CAMK2D: variants seen among roughly 807,000 people sequenced by gnomAD.
CAMK2D encodes the protein calcium/calmodulin dependent protein kinase II delta.
A neutral mutation model predicts 84.0 loss-of-function variants in CAMK2D; 37 were observed. The ratio of observed to expected loss-of-function variants is 0.44; its 90% CI spans 0.34 to 0.58. The LOEUF (loss-of-function observed/expected upper bound fraction) is 0.58. CAMK2D is among the 20% of genes least tolerant of loss of function. CAMK2D has a pLI of 0.02. For synonymous variants in CAMK2D, 202 were observed against 212.5 expected (o/e 0.95, Z 0.43); for missense variants, 448 against 652.5 (o/e 0.69, Z 3.41).
At chr4:113,733,207 C>T (rs929406025) in intron 2 of CAMK2D, among the ~76,000 whole-genome samples, 1 of 152,154 alleles carries the variant, frequency 6.6e-6, no homozygotes. Context: ...ATGAAAGAAC[C>T]ATTTAATGCA....
chr4:113,617,172 G>A (rs1008681415), intron 3 of CAMK2D, among the ~76,000 whole-genome samples: 1 of 152,044 alleles, frequency 6.6e-6, no homozygotes, highest in East Asian at 1.9e-4. Context: ...TAGCCATTAG[G>A]AATATTAAAA....
chr4:113,596,172 C>A (rs892349790), intron 4 of CAMK2D, among the ~76,000 whole-genome samples: 1 of 152,216 alleles, frequency 6.6e-6, no homozygotes, highest in Non-Finnish European at 1.5e-5. Flanking sequence ...TAAGAAGCAA[C>A]TCCTCATTCA....
Position 113,609,160 on chromosome 4 carries a change from C to T in CAMK2D, c.267G>A (p.Val89=), listed in dbSNP as rs759661901. 1.9e-6 allele frequency: 3 copies of T among 1,564,140 alleles called. No individual in the cohort carries two copies. Among genetic ancestry groups the T allele is most frequent in the East Asian group, 2.2e-5 (1 of 44,508 alleles). The stretch of plus-strand genomic sequence containing the variant: ...ACAGAGTATATACTTACAAATCAAA[C>T]ACCAAGTAGTGAAAGCCCTCTTCTG... ...SISEEGFHYL[V]FDLVTGGELF... Residue 89 remains valine, a synonymous_variant, in exon 4 of 21, where the codon GTG becomes GTA. Coordinates refer to ENST00000511664, the MANE Select transcript of CAMK2D (RefSeq NM_001321571.2).
intron 2 of CAMK2D, among the ~76,000 whole-genome samples, chr4:113,665,455 T>C (rs2099253678): frequency 6.6e-6 from 1 of 152,234 alleles, no homozygotes; most frequent in Non-Finnish European, 1.5e-5. Flanking sequence ...GCTACAGAGA[T>C]GGATTACTTT....
intron 16 of CAMK2D, among the ~76,000 whole-genome samples, chr4:113,498,270 TAATA>T (rs924079188): frequency 6.6e-6 from 1 of 152,188 alleles, no homozygotes; most frequent in African/African-American, 2.4e-5. Flanking sequence ...ATCATCAGCA[TAATA>T]AATAATTTAA....
intron 5 of CAMK2D, 70 bp from the exon 6 acceptor site, chr4:113,547,786 G>T: frequency 1.0e-6 from 1 of 997,612 alleles, no homozygotes; most frequent in Non-Finnish European, 1.5e-6. Flanking sequence ...CCCTCAGAGA[G>T]ACTGGGTTAA....
intron 4 of CAMK2D, among the ~76,000 whole-genome samples, chr4:113,562,135 T>C (rs1008475963): frequency 6.6e-6 from 1 of 152,216 alleles, no homozygotes; most frequent in Admixed American, 6.5e-5. Context: ...CAATTTAATC[T>C]GAAAAGAGTC....
chr4:113,744,232 A>G (rs1190001499), intron 2 of CAMK2D, among the ~76,000 whole-genome samples: 1 of 152,200 alleles, frequency 6.6e-6, no homozygotes, highest in Non-Finnish European at 1.5e-5. Context: ...TTCAGCAAAC[A>G]TTAAATACCT....
At chr4:113,686,791 C>T (rs761079680) in intron 2 of CAMK2D, among the ~76,000 whole-genome samples, 24 of 151,974 alleles carry the variant, frequency 1.6e-4, no homozygotes, top group Non-Finnish European at 3.1e-4. Flanking sequence ...TGAGATTTTA[C>T]GCCAAGCTTT....
chr4:113,558,709 T>A (rs147555398), intron 4 of CAMK2D, among the ~76,000 whole-genome samples: 10 of 152,258 alleles, frequency 6.6e-5, no homozygotes, highest in African/African-American at 2.4e-4. Context: ...TAATTTCACT[T>A]ATAAAATACT....
At chr4:113,705,911 G>C (rs1163753792) in intron 2 of CAMK2D, among the ~76,000 whole-genome samples, 1 of 152,132 alleles carries the variant, frequency 6.6e-6, no homozygotes, top group Non-Finnish European at 1.5e-5. Flanking sequence ...TAGTTGTGGG[G>C]AAGAGCTCCA....
At chr4:113,743,907 C>T (rs2099598647) in intron 2 of CAMK2D, among the ~76,000 whole-genome samples, 1 of 151,934 alleles carries the variant, frequency 6.6e-6, no homozygotes, top group Admixed American at 6.6e-5. Flanking sequence ...GTGGTGCAAT[C>T]CTGGCTTACT....
At chr4:113,473,144 T>G (rs2097566847) in intron 16 of CAMK2D, among the ~76,000 whole-genome samples, 1 of 152,246 alleles carries the variant, frequency 6.6e-6, no homozygotes. Flanking sequence ...GCAAGGTGAC[T>G]GACTACTTAA....
At chr4:113,616,185 A>G (rs1279454070) in intron 3 of CAMK2D, among the ~76,000 whole-genome samples, 1 of 152,202 alleles carries the variant, frequency 6.6e-6, no homozygotes, top group African/African-American at 2.4e-5. Context: ...AGGAATGAAA[A>G]TTAACTTTTT....
At chr4:113,728,100 G>T (rs2099551622) in intron 2 of CAMK2D, among the ~76,000 whole-genome samples, 1 of 152,080 alleles carries the variant, frequency 6.6e-6, no homozygotes, top group African/African-American at 2.4e-5. Context: ...CAACTGTTTG[G>T]CAGCTTCTTA....
chr4:113,685,362 C>A (rs187213725), intron 2 of CAMK2D, among the ~76,000 whole-genome samples: 3 of 152,108 alleles, frequency 2.0e-5, no homozygotes, highest in East Asian at 3.9e-4. Context: ...ACCTCAGCCT[C>A]CCAAGTAGCT....
chr4:113,507,363 G>A (rs986484066), intron 13 of CAMK2D, among the ~76,000 whole-genome samples: 1 of 151,412 alleles, frequency 6.6e-6, no homozygotes, highest in South Asian at 2.1e-4. Context: ...TGATTCTCCC[G>A]CCTCAGCCTC....
intron 15 of CAMK2D, among the ~76,000 whole-genome samples, chr4:113,501,833 A>C (rs1399587722): frequency 6.6e-6 from 1 of 152,064 alleles, no homozygotes. Context: ...TAATGCTATT[A>C]AAAAAATTGT....
At chr4:113,500,152 G>C (rs1437051517) in intron 16 of CAMK2D, among the ~76,000 whole-genome samples, 1 of 152,064 alleles carries the variant, frequency 6.6e-6, no homozygotes, top group South Asian at 2.1e-4. Flanking sequence ...CTTTTTGACT[G>C]ACAAATTTAC....
Sources: gnomAD v4.1 joint callset for allele counts (sites outside exome capture counted in the v4.1 genomes callset) on GRCh38, gnomAD v4.1.1 for gene constraint, MANE v1.5 for transcripts, NCBI Gene and HGNC (gene_info 2026-07-23, HGNC 2026-07-21) for gene names.